Variants in ME1 observed in about 807,000 individuals in gnomAD.
The protein encoded by ME1 is malic enzyme 1, also known as NADP-dependent malic enzyme.
Under a neutral mutation model 66.4 loss-of-function variants are expected in ME1, and 74 were observed. That is an observed-to-expected ratio of 1.11 (90% CI 0.92 to 1.35). The LOEUF (loss-of-function observed/expected upper bound fraction) is 1.35. Ranked by LOEUF, ME1 falls within the 40% of genes most tolerant of loss-of-function variation. The pLI is 0.00. For missense variants in ME1, 750 were observed against 694.1 expected, an observed-to-expected ratio of 1.08 and a Z score of -0.90; for synonymous variants, 251 against 235.6, an observed-to-expected ratio of 1.07 and a Z score of -0.60.
intron 1 of ME1, among the ~76,000 whole-genome samples, chr6:83,418,664 T>C (rs1024508710): frequency 7.2e-5 from 11 of 152,128 alleles, no homozygotes; most frequent in Non-Finnish European, 1.5e-4. Context: ...ACAGATATCA[T>C]TGAGTGAATG....
rs112141621 is a variant in ME1, at chr6:83,262,808, G to A, written c.705-9070C>T. On this transcript the variant is annotated intron_variant, in intron 6 of 13. Coordinates refer to ENST00000369705, the MANE Select transcript of ME1 (RefSeq NM_002395.6). ...GGGACTAAGTCCAATAGCCACGTAC[G>A]GTAGAGCAGACCTTTTTGGTAATGT... is the stretch of plus-strand genomic sequence containing the variant. 1.7e-3 allele frequency among the ~76,000 whole-genome samples: 253 copies of A among 152,226 alleles called. 1 individual carries two copies. Among genetic ancestry groups the A allele is most frequent in the African/African-American group, 5.8e-3 (240 of 41,536 alleles).
Position 83,224,953 on chromosome 6 carries a change from G to A in ME1, c.1276-1020C>T, listed in dbSNP as rs200146298. On this transcript the variant is annotated intron_variant, in intron 11 of 13. Transcript: ENST00000369705. ...GCGGTGGCTCACGCCTGTAATCCCA[G>A]CACTTTGGGAGGTCGAGGAGGGTGG... 1.1e-4 allele frequency among the ~76,000 whole-genome samples: 16 copies of A among 151,892 alleles called. No homozygotes were observed. In the East Asian group the frequency reaches 1.9e-3, roughly 18 times the overall value.
intron 3 of ME1, among the ~76,000 whole-genome samples, chr6:83,374,387 C>G (rs1234317642): frequency 6.6e-6 from 1 of 152,216 alleles, no homozygotes; most frequent in Non-Finnish European, 1.5e-5. Context: ...TTGTTGGCCA[C>G]ATAAATGTCT....
At chr6:83,358,076 C>A (rs1332967689) in intron 3 of ME1, among the ~76,000 whole-genome samples, 1 of 149,846 alleles carries the variant, frequency 6.7e-6, no homozygotes, top group Non-Finnish European at 1.5e-5. Context: ...AGGAGTGGTT[C>A]TAGTGGAAAA....
At chr6:83,388,075 T>TTACC (rs1466681509) in intron 3 of ME1, among the ~76,000 whole-genome samples, 1 of 139,974 alleles carries the variant, frequency 7.1e-6, no homozygotes, top group Non-Finnish European at 1.6e-5. Flanking sequence ...TTCTTCCTTC[T>TTACC]TTCCTTCCTT....
intron 7 of ME1, among the ~76,000 whole-genome samples, chr6:83,241,428 G>T (rs1790506915): frequency 6.6e-6 from 1 of 152,088 alleles, no homozygotes; most frequent in African/African-American, 2.4e-5. Context: ...CTTACGGTCA[G>T]ATAGACAGAA....
At chr6:83,226,808 T>C (rs534772556) in intron 11 of ME1, among the ~76,000 whole-genome samples, 158 of 152,286 alleles carry the variant, frequency 1.0e-3, no homozygotes, top group African/African-American at 3.8e-3. Context: ...ATCAGCCAAA[T>C]ACATATTAGT....
intron 7 of ME1, among the ~76,000 whole-genome samples, chr6:83,243,925 G>A (rs1160991163): frequency 1.4e-5 from 2 of 144,470 alleles, no homozygotes; most frequent in African/African-American, 5.2e-5. Context: ...ACCCAGATCT[G>A]CATCCCCCTC....
intron 8 of ME1, among the ~76,000 whole-genome samples, chr6:83,238,227 C>G (rs1028290900): frequency 1.3e-5 from 2 of 152,088 alleles, no homozygotes; most frequent in Non-Finnish European, 1.5e-5. Context: ...ACCAATTAGG[C>G]AACAGAATGA....
intron 3 of ME1, among the ~76,000 whole-genome samples, chr6:83,388,216 T>G (rs1769551727): frequency 6.6e-6 from 1 of 151,436 alleles, no homozygotes; most frequent in Admixed American, 6.6e-5. Context: ...GCCCCCTGAG[T>G]AGGTGGGACT....
chr6:83,326,866 C>T (rs1325925605), intron 5 of ME1, among the ~76,000 whole-genome samples: 1 of 152,104 alleles, frequency 6.6e-6, no homozygotes, highest in Admixed American at 6.5e-5. Flanking sequence ...ATCATTTGAC[C>T]CAGCAATCCC....
At chr6:83,306,605 G>A (rs1388920549) in intron 6 of ME1, among the ~76,000 whole-genome samples, 1 of 152,084 alleles carries the variant, frequency 6.6e-6, no homozygotes, top group Non-Finnish European at 1.5e-5. Flanking sequence ...ACTATAGGCA[G>A]AGACTCTTTA....
intron 7 of ME1, among the ~76,000 whole-genome samples, chr6:83,243,694 T>C (rs1181167123): frequency 1.5e-5 from 2 of 130,950 alleles, no homozygotes; most frequent in Non-Finnish European, 3.1e-5. Flanking sequence ...ATTATAATTA[T>C]ATTATATTGA....
chr6:83,296,350 C>A (rs930906913), intron 6 of ME1, among the ~76,000 whole-genome samples: 8 of 152,196 alleles, frequency 5.3e-5, no homozygotes, highest in Non-Finnish European at 1.2e-4. Context: ...CCCTGTGATG[C>A]AAAGTTGGTT....
intron 6 of ME1, among the ~76,000 whole-genome samples, chr6:83,291,116 T>C (rs569254542): frequency 1.3e-5 from 2 of 152,354 alleles, no homozygotes; most frequent in South Asian, 4.1e-4. Context: ...TTAGCCCATT[T>C]ACATTTAAGG....
At chr6:83,295,880 T>C (rs180772248) in intron 6 of ME1, among the ~76,000 whole-genome samples, 6 of 152,160 alleles carry the variant, frequency 3.9e-5, no homozygotes. Context: ...CCAGAGACTA[T>C]TATGAACACC....
intron 9 of ME1, among the ~76,000 whole-genome samples, chr6:83,232,043 A>G (rs945213663): frequency 1.2e-4 from 18 of 152,176 alleles, no homozygotes; most frequent in African/African-American, 4.3e-4. Context: ...AATGGGGGCA[A>G]AGGCTGCCAA....
chr6:83,233,079 T>C (rs1456235153), intron 9 of ME1, among the ~76,000 whole-genome samples: 1 of 152,124 alleles, frequency 6.6e-6, no homozygotes, highest in Non-Finnish European at 1.5e-5. Flanking sequence ...AGCGAAAATA[T>C]AATATTTATT....
intron 1 of ME1, among the ~76,000 whole-genome samples, chr6:83,411,387 C>G (rs576298310): frequency 6.6e-6 from 1 of 152,062 alleles, no homozygotes; most frequent in Admixed American, 6.6e-5. Context: ...AAACTAGTCC[C>G]ATGACTGGGT....
Sources: gnomAD v4.1 joint callset for allele counts (sites outside exome capture counted in the v4.1 genomes callset) on GRCh38, gnomAD v4.1.1 for gene constraint, MANE v1.5 for transcripts, NCBI Gene and HGNC (gene_info 2026-07-23, HGNC 2026-07-21) for gene names.